Variants in ACER1 observed in about 807,000 individuals in gnomAD.
ACER1 encodes the protein alkaline ceramidase 1, also known as CTB-180A7.3.
Under a neutral mutation model 24.9 loss-of-function variants are expected in ACER1, and 28 were observed. That is an observed-to-expected ratio of 1.13 (90% CI 0.83 to 1.54). The LOEUF (loss-of-function observed/expected upper bound fraction) is 1.54, where lower values mean the gene tolerates loss of function less well. Among genes scored for constraint, ACER1 ranks in the 40% most tolerant of loss-of-function variants. The pLI is 0.00. For synonymous variants in ACER1, 132 were observed against 131.4 expected (o/e 1.00, Z -0.03); for missense variants, 352 against 349.3 (o/e 1.01, Z -0.06).
At chr19:6,351,800 T>C in the ACER1 span, among the ~76,000 whole-genome samples, 4 of 152,104 alleles carry the variant, frequency 2.6e-5, no homozygotes, top group African/African-American at 9.7e-5. Flanking sequence ...CTCATGCCTG[T>C]AATCCCAGCA....
chr19:6,342,258 C>CTTTTTTT, the ACER1 span, among the ~76,000 whole-genome samples: 1 of 112,144 alleles, frequency 8.9e-6, no homozygotes, highest in Non-Finnish European at 1.8e-5. Context: ...TATCCTAGTT[C>CTTTTTTT]TTTTTTTTTT....
chr19:6,356,043 G>T, the ACER1 span, among the ~76,000 whole-genome samples: 2 of 151,412 alleles, frequency 1.3e-5, no homozygotes, highest in Non-Finnish European at 2.9e-5. Context: ...GGGAAAGGCG[G>T]GGAAAGGATT....
the ACER1 span, among the ~76,000 whole-genome samples, chr19:6,342,246 A>G: frequency 7.0e-6 from 1 of 142,558 alleles, no homozygotes; most frequent in African/African-American, 2.6e-5. Flanking sequence ...TGTGTAAGAG[A>G]GTATCCTAGT....
the ACER1 span, among the ~76,000 whole-genome samples, chr19:6,355,509 A>G: frequency 0.05 from 7,325 of 145,092 alleles, 266 homozygotes; most frequent in African/African-American, 0.11. Context: ...CCCTCTGCCC[A>G]GCAGCCACCC....
chr19:6,325,049 C>G (rs1440567744), intron 1 of ACER1, among the ~76,000 whole-genome samples: 1 of 152,108 alleles, frequency 6.6e-6, no homozygotes, highest in Non-Finnish European at 1.5e-5. Context: ...TCGAGCCGCC[C>G]CTCCCACACT....
chr19:6,306,982 G>T, intron 5 of ACER1, 100 bp from the exon 6 acceptor site: 1 of 1,504,076 alleles, frequency 6.6e-7, no homozygotes, highest in South Asian at 1.3e-5. Context: ...CCATCCAGGG[G>T]AGCCTTCTGG....
chr19:6,331,935 G>T (rs2091689000), intron 1 of ACER1, among the ~76,000 whole-genome samples: 1 of 151,776 alleles, frequency 6.6e-6, no homozygotes, highest in African/African-American at 2.4e-5. Context: ...TTTAAGCTTT[G>T]GCTAAATGCC....
chr19:6,335,493 G>A (rs992921714), upstream of ACER1, among the ~76,000 whole-genome samples: 1 of 151,972 alleles, frequency 6.6e-6, no homozygotes, highest in Non-Finnish European at 1.5e-5. Flanking sequence ...AAAGTGCTGG[G>A]ATTACAGGCG....
upstream of ACER1, among the ~76,000 whole-genome samples, chr19:6,335,404 TA>T (rs1169725366): frequency 6.6e-6 from 1 of 151,760 alleles, no homozygotes; most frequent in African/African-American, 2.4e-5. Context: ...TTTGTATTTT[TA>T]GTAGAGACGG....
At chr19:6,342,514 T>C in the ACER1 span, among the ~76,000 whole-genome samples, 1 of 151,530 alleles carries the variant, frequency 6.6e-6, no homozygotes, top group Non-Finnish European at 1.5e-5. Context: ...GGTCAGGAGA[T>C]TGAGACCATC....
At chr19:6,314,775 C>G (rs1405376578) in intron 1 of ACER1, among the ~76,000 whole-genome samples, 1 of 152,024 alleles carries the variant, frequency 6.6e-6, no homozygotes, top group Non-Finnish European at 1.5e-5. Context: ...AATATACCTG[C>G]GTTCATATGT....
intron 1 of ACER1, among the ~76,000 whole-genome samples, chr19:6,323,764 G>T (rs2091644750): frequency 1.3e-5 from 2 of 152,186 alleles, no homozygotes; most frequent in South Asian, 4.1e-4. Flanking sequence ...TTTTGCTGTG[G>T]ATATTGATAA....
chr19:6,338,647 G>C, the ACER1 span, among the ~76,000 whole-genome samples: 1 of 151,998 alleles, frequency 6.6e-6, no homozygotes, highest in African/African-American at 2.4e-5. Flanking sequence ...GAGTGCAGTG[G>C]TGCAATCACA....
At chr19:6,325,124 G>A (rs779452899) in intron 1 of ACER1, among the ~76,000 whole-genome samples, 2 of 152,090 alleles carry the variant, frequency 1.3e-5, no homozygotes, top group Non-Finnish European at 2.9e-5. Flanking sequence ...AAATGCCACC[G>A]GTTGCCCCAG....
upstream of ACER1, among the ~76,000 whole-genome samples, chr19:6,335,637 T>A (rs1398766470): frequency 6.6e-6 from 1 of 151,962 alleles, no homozygotes. Flanking sequence ...GAGACCATCC[T>A]GGCTAACACA....
chr19:6,334,715 C>T (rs2091705811), upstream of ACER1, among the ~76,000 whole-genome samples: 2 of 151,932 alleles, frequency 1.3e-5, no homozygotes, highest in South Asian at 2.1e-4. Flanking sequence ...TCTGTTTGCT[C>T]ACCTGTCATA....
upstream of ACER1, among the ~76,000 whole-genome samples, chr19:6,338,282 G>A (rs1467981004): frequency 6.6e-6 from 1 of 151,830 alleles, no homozygotes; most frequent in African/African-American, 2.4e-5. Context: ...ATGAGCTACT[G>A]TGCCCTGGCC....
chr19:6,347,109 A>AAAAATAT, the ACER1 span, among the ~76,000 whole-genome samples: 73 of 113,764 alleles, frequency 6.4e-4, 3 homozygotes, highest in African/African-American at 3.1e-3. Context: ...AAAAAAAAAA[A>AAAAATAT]ATATATATAT....
At chr19:6,309,516 C>T (rs1166682997) in intron 4 of ACER1, among the ~76,000 whole-genome samples, 181 bp downstream of exon 4, 1 of 151,376 alleles carries the variant, frequency 6.6e-6, no homozygotes, top group Non-Finnish European at 1.5e-5. Context: ...AGCGAGGATC[C>T]GTCTCAAGAA....
Sources: gnomAD v4.1 joint callset for allele counts (sites outside exome capture counted in the v4.1 genomes callset) on GRCh38, gnomAD v4.1.1 for gene constraint, MANE v1.5 for transcripts, NCBI Gene and HGNC (gene_info 2026-07-23, HGNC 2026-07-21) for gene names.